The following TMPRSS4 variants were observed in gnomAD, a reference collection of about 807,000 sequenced individuals.
TMPRSS4 encodes transmembrane protease serine 4.
Under a neutral mutation model 56.4 loss-of-function variants are expected in TMPRSS4, and 45 were observed. That is an observed-to-expected ratio of 0.80 (90% confidence interval 0.63 to 1.02). The LOEUF is 1.02. Among genes scored for constraint, TMPRSS4 ranks in the 50% least tolerant of loss-of-function variants. TMPRSS4 has a pLI of 0.00. For missense variants in TMPRSS4, 546 were observed against 556.7 expected (o/e 0.98, Z 0.19); for synonymous variants, 205 against 211.0 (o/e 0.97, Z 0.25).
Position 118,117,958 on chromosome 11 carries a change from C to A in TMPRSS4, c.*45C>A. On this transcript the variant is annotated 3_prime_UTR_variant, in exon 13 of 13. Transcript: ENST00000437212. ...TGCTGGGAGCCGCTTCCTTCCTGCC[C>A]TGCCCACCTGGGGATCCCCCAAAGT... 3 of 1,612,230 alleles carry A rather than the reference C, an allele frequency of 1.9e-6. No homozygotes were observed. Among genetic ancestry groups the A allele is most frequent in the Non-Finnish European group, 1.7e-6 (2 of 1,179,998 alleles).
chr11:118,101,108 A>T (rs1014714884), intron 3 of TMPRSS4, among the ~76,000 whole-genome samples: 1 of 152,158 alleles, frequency 6.6e-6, no homozygotes, highest in South Asian at 2.1e-4. Flanking sequence ...CCAGCAGATC[A>T]CATCTCAAGC....
chr11:118,104,626 A>C, intron 4 of TMPRSS4, 65 bp from the exon 5 acceptor site: 1 of 1,609,676 alleles, frequency 6.2e-7, no homozygotes, highest in South Asian at 1.1e-5. Context: ...TCTCATGATG[A>C]GTTCTGAGGG....
rs1308655166 is a variant in TMPRSS4 at position 118,119,937 on chromosome 11, A to G, written c.*2024A>G. On this transcript the variant is annotated 3_prime_UTR_variant, in exon 13 of 13. Coordinates refer to ENST00000437212, the MANE Select transcript of TMPRSS4 (RefSeq NM_019894.4). Reference sequence around the variant, plus strand: ...CAGTGGTGTTATGTACATTCACACTATTGTGCAGTCATCACCACCATCCAT... The same window carrying G: ...CAGTGGTGTTATGTACATTCACACTGTTGTGCAGTCATCACCACCATCCAT... 1 of 152,208 alleles carries G rather than the reference A, an allele frequency of 6.6e-6. No individual in the cohort carries two copies. The highest frequency in any genetic ancestry group is 2.4e-5 in the African/African-American group (1 of 41,448). The allele number at this position is 152,208 out of a possible 1,614,324, so 9.4% of individuals were successfully genotyped here.
At chr11:118,093,410 G>T (rs550297420) in intron 1 of TMPRSS4, among the ~76,000 whole-genome samples, 16 of 152,266 alleles carry the variant, frequency 1.1e-4, no homozygotes, top group African/African-American at 3.9e-4. Context: ...CGAGTCCCTG[G>T]GTGGAGACCT....
At chr11:118,096,906 AGAAAGGGAGAGAGAAAG>A (rs1946362673) in intron 2 of TMPRSS4, among the ~76,000 whole-genome samples, 1 of 49,580 alleles carries the variant, frequency 2.0e-5, no homozygotes, top group Non-Finnish European at 4.3e-5. Context: ...AAAGAAAGAA[AGAAAGGGAGAGAGAAAG>A]GAAAGAAAGA....
intron 1 of TMPRSS4, among the ~76,000 whole-genome samples, chr11:118,077,903 C>T (rs1271045429): frequency 6.7e-6 from 1 of 150,212 alleles, no homozygotes; most frequent in African/African-American, 2.5e-5. Flanking sequence ...ATCCCAGCTA[C>T]TTGGGAGGCT....
At position 118,118,989 on chromosome 11, in the gene TMPRSS4, T is replaced by A. The variant is rs1947698080; in HGVS notation, c.*1076T>A. Reference sequence around the variant, plus strand: ...GGTCAAAGAATTAAACCCCATGGACTTTTTTGGCATCTGTATGAAAGCTTG... The same window carrying A: ...GGTCAAAGAATTAAACCCCATGGACATTTTTGGCATCTGTATGAAAGCTTG... On this transcript the variant is annotated 3_prime_UTR_variant, in exon 13 of 13. Transcript: ENST00000437212. The A allele has an allele frequency of 1.0e-6, 1 of 985,470 alleles. No individual in the cohort carries two copies. The allele number at this position is 985,470 out of a possible 1,614,324, so 61.0% of individuals were successfully genotyped here.
rs769136159 is a variant in TMPRSS4 at position 118,111,740 on chromosome 11, G to A, written c.584-1G>A. ...TCCTCCCTGCCTCTGCCTGTGTCCAGCCTGTGGGAAGAGCCTGAAGACCCC... is the reference window on the plus strand; with the variant it reads ...TCCTCCCTGCCTCTGCCTGTGTCCAACCTGTGGGAAGAGCCTGAAGACCCC... On this transcript the variant is annotated splice_acceptor_variant, in intron 7 of 12. Coordinates refer to ENST00000437212, the MANE Select transcript of TMPRSS4 (RefSeq NM_019894.4). LOFTEE classifies it high-confidence loss of function. 5 of 1,572,504 alleles carry A rather than the reference G, an allele frequency of 3.2e-6. No individual in the cohort carries two copies. The South Asian group carries it at 5.9e-5, about 19-fold the overall frequency.
chr11:118,082,180 G>T (rs1392443413), intron 1 of TMPRSS4, among the ~76,000 whole-genome samples: 1 of 152,182 alleles, frequency 6.6e-6, no homozygotes, highest in Non-Finnish European at 1.5e-5. Flanking sequence ...CCCATGTTGT[G>T]CTTTGAGAAG....
intron 8 of TMPRSS4, among the ~76,000 whole-genome samples, chr11:118,112,166 G>C (rs184310957): frequency 1.3e-5 from 2 of 152,114 alleles, no homozygotes; most frequent in South Asian, 2.1e-4. Flanking sequence ...CCCCCATATC[G>C]TTCAAGCTAC....
intron 1 of TMPRSS4, among the ~76,000 whole-genome samples, chr11:118,079,181 T>C (rs1944935668): frequency 6.6e-6 from 1 of 152,122 alleles, no homozygotes; most frequent in African/African-American, 2.4e-5. Flanking sequence ...GAGCTAGCCA[T>C]TATACTGCCT....
intron 1 of TMPRSS4, among the ~76,000 whole-genome samples, chr11:118,090,050 G>A (rs2135301520): frequency 6.6e-6 from 1 of 152,144 alleles, no homozygotes; most frequent in Admixed American, 6.5e-5. Context: ...TCACCATGTT[G>A]GCCAGGCTGG....
intron 1 of TMPRSS4, among the ~76,000 whole-genome samples, chr11:118,087,244 T>C (rs1321642457): frequency 6.6e-6 from 1 of 152,160 alleles, no homozygotes; most frequent in Non-Finnish European, 1.5e-5. Context: ...GCTCTGCCCT[T>C]ACTGACTTCT....
intron 7 of TMPRSS4, among the ~76,000 whole-genome samples, chr11:118,110,619 C>T (rs961097533): frequency 1.8e-4 from 28 of 152,124 alleles, no homozygotes; most frequent in African/African-American, 6.3e-4. Flanking sequence ...GTGATCTGCC[C>T]GCCTGAGCCT....
chr11:118,124,876 A>G (rs749269019), downstream of TMPRSS4, among the ~76,000 whole-genome samples: 2 of 152,136 alleles, frequency 1.3e-5, no homozygotes, highest in Non-Finnish European at 2.9e-5. Context: ...GCTCCCTTCA[A>G]TTTCCGCTCA....
intron 9 of TMPRSS4, 31 bp downstream of exon 9, chr11:118,113,466 C>T (rs1232665187): frequency 2.5e-6 from 4 of 1,606,762 alleles, no homozygotes; most frequent in Non-Finnish European, 2.6e-6. Context: ...CCACTCAAGC[C>T]TCTTACATCA....
At chr11:118,112,581 C>CCAAAAG (rs1947331559) in intron 8 of TMPRSS4, among the ~76,000 whole-genome samples, 1 of 151,724 alleles carries the variant, frequency 6.6e-6, no homozygotes, top group Non-Finnish European at 1.5e-5. Context: ...TTGGTAGAGA[C>CCAAAAG]AGGGTTTCAC....
chr11:118,081,382 C>T (rs3825050), intron 1 of TMPRSS4, among the ~76,000 whole-genome samples: 48,475 of 152,070 alleles, frequency 0.32, 8,178 homozygotes, highest in South Asian at 0.55. Flanking sequence ...ACACGTCTAA[C>T]GCCACCTCCC....
chr11:118,096,985 A>G (rs1186781516), intron 2 of TMPRSS4, among the ~76,000 whole-genome samples: 1 of 110,294 alleles, frequency 9.1e-6, no homozygotes, highest in Non-Finnish European at 1.8e-5. Context: ...AGAAAGAAAG[A>G]AAGAAAGAAA....
Sources: gnomAD v4.1 joint callset for allele counts (sites outside exome capture counted in the v4.1 genomes callset) on GRCh38, gnomAD v4.1.1 for gene constraint, MANE v1.5 for transcripts, NCBI Gene and HGNC (gene_info 2026-07-23, HGNC 2026-07-21) for gene names.